Variants in SNCAIP observed in about 807,000 individuals in gnomAD.
SNCAIP encodes the protein synphilin-1.
SNCAIP carries 43 observed loss-of-function variants against 86.7 expected under a neutral mutation model. The ratio of observed to expected loss-of-function variants is 0.50; its 90% CI spans 0.39 to 0.64. The LOEUF is 0.64. SNCAIP is among the 30% of genes least tolerant of loss of function. SNCAIP has a pLI of 0.00. For missense variants in SNCAIP, 981 were observed against 1,103.1 expected (o/e 0.89, Z 1.57); for synonymous variants, 417 against 427.2 (o/e 0.98, Z 0.29).
chr5:122,440,571 T>C (rs1205747425), intron 6 of SNCAIP, 58 bp from the exon 7 acceptor site: 1 of 1,557,922 alleles, frequency 6.4e-7, no homozygotes, highest in East Asian at 2.2e-5. Flanking sequence ...TCCTCTGTCT[T>C]TTTATCTAAC....
At chr5:122,378,809 T>A (rs1765968765) in intron 1 of SNCAIP, among the ~76,000 whole-genome samples, 1 of 145,220 alleles carries the variant, frequency 6.9e-6, no homozygotes. Flanking sequence ...TCCTTCCCCA[T>A]TGCTTGTTTT....
rs1292319636 is a variant in SNCAIP at position 122,349,364 on chromosome 5, C to T, written c.-47+37080C>T. ...TGATATGAACTGTTGTTTAAAGCTT[C>T]CCAGGAGATTCTAATGACTACCACT... On this transcript the variant is annotated intron_variant, in intron 1 of 10. Coordinates refer to ENST00000261368, the MANE Select transcript of SNCAIP (RefSeq NM_005460.4). Among the ~76,000 whole-genome samples, 3 of 152,016 alleles carry T rather than the reference C, an allele frequency of 2.0e-5. No individual in the cohort carries two copies. The East Asian group carries it at 5.8e-4, about 29-fold the overall frequency.
chr5:122,453,651 GTTC>G (rs747096529), intron 10 of SNCAIP, among the ~76,000 whole-genome samples: 3 of 152,200 alleles, frequency 2.0e-5, no homozygotes, highest in Non-Finnish European at 4.4e-5. Flanking sequence ...CTTGGGCAAA[GTTC>G]TTCTGCAACA....
chr5:122,357,571 G>A (rs1171916296), intron 1 of SNCAIP, among the ~76,000 whole-genome samples: 2 of 150,040 alleles, frequency 1.3e-5, no homozygotes, highest in East Asian at 2.0e-4. Flanking sequence ...CTGACCCACC[G>A]TATTTAAAAG....
chr5:122,364,342 G>A (rs143027137), intron 1 of SNCAIP, among the ~76,000 whole-genome samples: 2 of 152,182 alleles, frequency 1.3e-5, no homozygotes, highest in African/African-American at 4.8e-5. Context: ...CTTAATAAAC[G>A]TGCTTTCACT....
intron 1 of SNCAIP, among the ~76,000 whole-genome samples, chr5:122,329,574 C>T (rs890452308): frequency 6.6e-6 from 1 of 152,116 alleles, no homozygotes. Flanking sequence ...AATGAAAAGA[C>T]AGCCCAGCAT....
At chr5:122,348,322 G>A (rs923730780) in intron 1 of SNCAIP, among the ~76,000 whole-genome samples, 9 of 152,118 alleles carry the variant, frequency 5.9e-5, no homozygotes, top group African/African-American at 1.7e-4. Flanking sequence ...GTGGAATTAT[G>A]GTATAGGCAA....
intron 2 of SNCAIP, among the ~76,000 whole-genome samples, chr5:122,403,228 C>T (rs978685563): frequency 1.3e-5 from 2 of 152,120 alleles, no homozygotes; most frequent in Admixed American, 6.5e-5. Context: ...CCACACCCCT[C>T]TTGCTTTTTA....
chr5:122,453,487 G>T (rs747786881), intron 10 of SNCAIP, among the ~76,000 whole-genome samples: 1 of 152,120 alleles, frequency 6.6e-6, no homozygotes, highest in Admixed American at 6.5e-5. Context: ...CTCTGTGTTA[G>T]CATTATGAAC....
intron 1 of SNCAIP, among the ~76,000 whole-genome samples, chr5:122,331,598 G>A (rs1028648554): frequency 3.5e-4 from 53 of 152,176 alleles, no homozygotes; most frequent in African/African-American, 1.2e-3. Context: ...TTTGTTAGAG[G>A]CTGGGAAGTC....
At chr5:122,361,020 A>C (rs1437711422) in intron 1 of SNCAIP, among the ~76,000 whole-genome samples, 1 of 152,116 alleles carries the variant, frequency 6.6e-6, no homozygotes, top group African/African-American at 2.4e-5. Context: ...ATGAATTATG[A>C]AAATAAGGCT....
chr5:122,338,162 C>T (rs901742521), intron 1 of SNCAIP, among the ~76,000 whole-genome samples: 9 of 152,140 alleles, frequency 5.9e-5, no homozygotes, highest in African/African-American at 1.7e-4. Flanking sequence ...AAGATTTCAC[C>T]AACGGTTAAA....
rs763683428 is a variant in SNCAIP, at chr5:122,450,869, A to G, written c.2022A>G (p.Ser674=). The change falls in exon 10 of 11, where the codon TCA becomes TCG. Residue 674 remains serine (S), a synonymous_variant. Transcript: ENST00000261368. ...GGCTGAGACAGCTGATGCAGAGGTC[A>G]CTGAGTGAGTCTGACACAGACTCCA... ...LARLRQLMQR[S]LSESDTDSNN... 61 of 1,613,994 alleles carry G rather than the reference A, an allele frequency of 3.8e-5. No homozygotes were observed. Among genetic ancestry groups the G allele is most frequent in the Non-Finnish European group, 4.7e-5 (56 of 1,179,988 alleles).
chr5:122,446,297 T>C (rs2152987915), intron 8 of SNCAIP, among the ~76,000 whole-genome samples: 1 of 152,328 alleles, frequency 6.6e-6, no homozygotes, highest in East Asian at 1.9e-4. Flanking sequence ...TAATGTCCAC[T>C]CCCTCAAGTA....
At chr5:122,325,072 G>C (rs758405337) in intron 1 of SNCAIP, among the ~76,000 whole-genome samples, 18 of 152,150 alleles carry the variant, frequency 1.2e-4, no homozygotes, top group Admixed American at 2.6e-4. Context: ...ATTTTGATAT[G>C]GTTTCTTCCC....
At chr5:122,353,768 G>A (rs183973786) in intron 1 of SNCAIP, among the ~76,000 whole-genome samples, 339 of 152,248 alleles carry the variant, frequency 2.2e-3, no homozygotes, top group African/African-American at 8.0e-3. Flanking sequence ...AAGTGGAACT[G>A]TAAGTCCATT....
chr5:122,423,207 C>T lies in SNCAIP; in HGVS notation c.470C>T (p.Pro157Leu). ...DLDMDEILDV[P>L]YIKSSQQLAS... ...GACATGGATGAGATTCTGGATGTGC[C>T]TTATATTAAATCCAGTCAGCAGCTT... The change falls in exon 4 of 11, where the codon CCT becomes CTT. Residue 157 changes from proline (P) to leucine (L), a missense_variant. Physicochemically the swap from Pro to Leu is moderately conservative, Grantham distance 98. Transcript: ENST00000261368. 6.2e-7 allele frequency: 1 copy of T among 1,614,086 alleles called. No homozygotes were observed. The highest frequency in any genetic ancestry group is 8.5e-7 in the Non-Finnish European group (1 of 1,179,994).
In SNCAIP at chr5:122,450,907, A is replaced by G. The variant is rs1783571988; in HGVS notation, c.2060A>G (p.Asp687Gly). The change falls in exon 10 of 11, where the codon GAC becomes GGC. Residue 687 changes from aspartate (D) to glycine (G), a missense_variant. Transcript: ENST00000261368. ...GACACAGACTCCAACAACTCTGAGG[A>G]CCCCAAGACTACCCCAGTGAGGAAG... Reference protein sequence around the residue: ...ESDTDSNNSEDPKTTPVRKAD... With the variant: ...ESDTDSNNSEGPKTTPVRKAD... 6.2e-7 allele frequency: 1 copy of G among 1,613,944 alleles called. No individual in the cohort carries two copies.
chr5:122,350,426 A>G (rs181912468), intron 1 of SNCAIP, among the ~76,000 whole-genome samples: 1 of 152,126 alleles, frequency 6.6e-6, no homozygotes, highest in Non-Finnish European at 1.5e-5. Context: ...ATTTTAGTGT[A>G]TACTAAATAG....
Sources: gnomAD v4.1 joint callset for allele counts (sites outside exome capture counted in the v4.1 genomes callset) on GRCh38, gnomAD v4.1.1 for gene constraint, MANE v1.5 for transcripts, NCBI Gene and HGNC (gene_info 2026-07-23, HGNC 2026-07-21) for gene names.